The following KCND2 variants were observed in gnomAD, a reference collection of about 807,000 sequenced individuals.
KCND2 encodes A-type voltage-gated potassium channel KCND2.
KCND2 carries 16 observed loss-of-function variants against 54.4 expected under a neutral mutation model. That is an observed-to-expected ratio of 0.29 (90% CI 0.20 to 0.45). The LOEUF is 0.45. Among genes scored for constraint, KCND2 ranks in the 20% least tolerant of loss-of-function variants. The pLI, the probability that KCND2 is intolerant of heterozygous loss-of-function variation, is 1.00. For synonymous variants in KCND2, 317 were observed against 310.7 expected, an observed-to-expected ratio of 1.02 and a Z score of -0.21; for missense variants, 486 against 824.2, an observed-to-expected ratio of 0.59 and a Z score of 5.02.
intron 1 of KCND2, among the ~76,000 whole-genome samples, chr7:120,568,363 T>A (rs1340617747): frequency 6.6e-6 from 1 of 152,096 alleles, no homozygotes; most frequent in Non-Finnish European, 1.5e-5. Context: ...AATGTACAAT[T>A]TCATTATTAG....
In KCND2 at chr7:120,740,703, C is replaced by T. The variant is rs145751389; in HGVS notation, c.1279-831C>T. On this transcript the variant is annotated intron_variant, in intron 2 of 5. Transcript: ENST00000331113. ...GGAACAATTGAACTGGCCACCTAAA[C>T]CCTCTACATTGAAGGATATTCTCTA... The T allele has an allele frequency of 4.0e-3, 1,139 of 284,066 alleles. 15 individuals carry two copies. Among genetic ancestry groups the T allele is most frequent in the Admixed American group, 0.02 (500 of 24,412 alleles). The allele number at this position is 284,066 out of a possible 1,614,324, so 17.6% of individuals were successfully genotyped here.
At chr7:120,390,891 T>C (rs1315475354) in intron 1 of KCND2, among the ~76,000 whole-genome samples, 1 of 152,064 alleles carries the variant, frequency 6.6e-6, no homozygotes, top group East Asian at 1.9e-4. Flanking sequence ...AGTTTTTTTA[T>C]TGCACTTTTA....
chr7:120,622,289 A>G (rs1406419130), intron 1 of KCND2, among the ~76,000 whole-genome samples: 1 of 152,174 alleles, frequency 6.6e-6, no homozygotes. Context: ...TAAGGCATCA[A>G]CTTCAAAGTT....
chr7:120,595,579 A>ATGTG (rs1158348551), intron 1 of KCND2, among the ~76,000 whole-genome samples: 109 of 78,958 alleles, frequency 1.4e-3, no homozygotes, highest in Middle Eastern at 0.015. Flanking sequence ...GTGTATATAT[A>ATGTG]TGTGTGTGTG....
chr7:120,440,591 G>C (rs1801933108), intron 1 of KCND2, among the ~76,000 whole-genome samples: 1 of 151,812 alleles, frequency 6.6e-6, no homozygotes, highest in Admixed American at 6.6e-5. Context: ...CATTTTCTCT[G>C]TATTTTCTTC....
At chr7:120,367,689 T>A (rs1455321499) in intron 1 of KCND2, among the ~76,000 whole-genome samples, 2 of 151,902 alleles carry the variant, frequency 1.3e-5, no homozygotes, top group African/African-American at 4.8e-5. Context: ...TTTAGAAATG[T>A]TATTCTCATT....
At chr7:120,509,925 T>C (rs1355153481) in intron 1 of KCND2, among the ~76,000 whole-genome samples, 1 of 152,094 alleles carries the variant, frequency 6.6e-6, no homozygotes, top group East Asian at 1.9e-4. Flanking sequence ...TGCCAAATAA[T>C]GGAGCTATGG....
chr7:120,421,775 A>C (rs1406471924), intron 1 of KCND2, among the ~76,000 whole-genome samples: 1 of 152,360 alleles, frequency 6.6e-6, no homozygotes, highest in Non-Finnish European at 1.5e-5. Flanking sequence ...TCAAACTTTG[A>C]ATCGCTAGGC....
intron 1 of KCND2, among the ~76,000 whole-genome samples, chr7:120,325,692 G>T (rs1157539251): frequency 1.3e-5 from 2 of 152,066 alleles, no homozygotes; most frequent in African/African-American, 4.8e-5. Context: ...GTAGCACAAT[G>T]GTTTTAATTA....
chr7:120,583,848 A>C lies in KCND2; in HGVS notation c.1116-149055A>C, dbSNP rs938536288. Among the ~76,000 whole-genome samples the C allele has an allele frequency of 4.6e-5, 7 of 152,164 alleles. No homozygotes were observed. The South Asian group carries it at 1.5e-3, about 32-fold the overall frequency. ...GCAAAGTAATTGTGTGAAAAAAAGC[A>C]ATATAGAAAGAGAAGAGAGACATTA... On this transcript the variant is annotated intron_variant, in intron 1 of 5. Transcript: ENST00000331113.
intron 1 of KCND2, among the ~76,000 whole-genome samples, chr7:120,335,255 C>G (rs1800129224): frequency 6.7e-6 from 1 of 148,950 alleles, no homozygotes; most frequent in Non-Finnish European, 1.5e-5. Flanking sequence ...CCTAGCTACT[C>G]TGGAAGCTGA....
At chr7:120,340,298 G>A (rs1800222478) in intron 1 of KCND2, among the ~76,000 whole-genome samples, 1 of 152,204 alleles carries the variant, frequency 6.6e-6, no homozygotes, top group African/African-American at 2.4e-5. Flanking sequence ...TATATGTAAA[G>A]ATATTACAAT....
At chr7:120,663,949 A>C (rs541311310) in intron 1 of KCND2, among the ~76,000 whole-genome samples, 1 of 152,174 alleles carries the variant, frequency 6.6e-6, no homozygotes. Context: ...GGATATTTGC[A>C]TAGGAGAAAA....
chr7:120,458,815 C>T (rs1309207252), intron 1 of KCND2, among the ~76,000 whole-genome samples: 1 of 151,148 alleles, frequency 6.6e-6, no homozygotes, highest in Non-Finnish European at 1.5e-5. Flanking sequence ...CTTGACTCTT[C>T]CTTCAGATTA....
intron 1 of KCND2, among the ~76,000 whole-genome samples, chr7:120,335,674 A>G (rs1006113080): frequency 6.6e-6 from 1 of 151,822 alleles, no homozygotes; most frequent in Non-Finnish European, 1.5e-5. Flanking sequence ...TTTAGTAGAG[A>G]TGGGGTTTCA....
At chr7:120,697,209 A>T (rs940961528) in intron 1 of KCND2, among the ~76,000 whole-genome samples, 2 of 152,218 alleles carry the variant, frequency 1.3e-5, no homozygotes, top group Non-Finnish European at 2.9e-5. Flanking sequence ...AGGGTAAAGA[A>T]ATCAGAGGAT....
intron 1 of KCND2, among the ~76,000 whole-genome samples, chr7:120,523,704 C>CTGTGTG (rs199762798): frequency 3.8e-4 from 52 of 137,222 alleles, no homozygotes; most frequent in South Asian, 1.4e-3. Context: ...CACACACACT[C>CTGTGTG]TGTGTGTGTG....
Position 120,435,256 on chromosome 7 carries a change from A to G in KCND2, c.1115+159509A>G, listed in dbSNP as rs373454761. On this transcript the variant is annotated intron_variant, in intron 1 of 5. Coordinates refer to ENST00000331113, the MANE Select transcript of KCND2 (RefSeq NM_012281.3). ...CGAGTAACTGGGATTGTAGGCGTGC[A>G]CCACCATGCCTGGCTTTTTTTTTTT... Among the ~76,000 whole-genome samples the G allele has an allele frequency of 1.2e-4, 17 of 145,564 alleles. No individual in the cohort carries two copies. The East Asian group carries it at 3.0e-3, about 26-fold the overall frequency.
chr7:120,382,989 C>A, intron 1 of KCND2, among the ~76,000 whole-genome samples: 1 of 151,952 alleles, frequency 6.6e-6, no homozygotes, highest in South Asian at 2.1e-4. Flanking sequence ...TCTTAAATGA[C>A]ATTACCTTTC....
Sources: allele counts gnomAD v4.1 joint callset (sites outside exome capture counted in the v4.1 genomes callset), GRCh38; gene constraint gnomAD v4.1.1; transcripts MANE v1.5; gene names NCBI Gene and HGNC (gene_info 2026-07-23, HGNC 2026-07-21).